The following MCF2L2 variants were observed in gnomAD, a reference collection of about 807,000 sequenced individuals.
MCF2L2 encodes MCF.2 cell line derived transforming sequence-like 2.
A neutral mutation model predicts 150.2 loss-of-function variants in MCF2L2; 102 were observed. The observed-to-expected ratio is 0.68, with a 90% CI of 0.58 to 0.80. The LOEUF (loss-of-function observed/expected upper bound fraction) is 0.80. Among genes scored for constraint, MCF2L2 ranks in the 30% least tolerant of loss-of-function variants. MCF2L2 has a pLI of 0.00. For synonymous variants in MCF2L2, 465 were observed against 491.3 expected (o/e 0.95, Z 0.71); for missense variants, 1,256 against 1,372.8 (o/e 0.91, Z 1.34).
At chr3:183,248,074 T>C (rs1724338688) in intron 15 of MCF2L2, among the ~76,000 whole-genome samples, 1 of 152,250 alleles carries the variant, frequency 6.6e-6, no homozygotes, top group Non-Finnish European at 1.5e-5. Context: ...TTTGTGTCTT[T>C]ATCTACCAGC....
At chr3:183,284,946 A>G (rs1340800926) in intron 14 of MCF2L2, among the ~76,000 whole-genome samples, 1 of 152,228 alleles carries the variant, frequency 6.6e-6, no homozygotes, top group Non-Finnish European at 1.5e-5. Flanking sequence ...ATATCACAGA[A>G]GGCAAGCATT....
chr3:183,239,039 C>T (rs1215347471), intron 15 of MCF2L2, among the ~76,000 whole-genome samples: 2 of 148,600 alleles, frequency 1.3e-5, no homozygotes, highest in Non-Finnish European at 3.0e-5. Context: ...GATTTACCAT[C>T]TAAAATCATC....
chr3:183,185,533 A>T (rs1039060450), intron 27 of MCF2L2, among the ~76,000 whole-genome samples: 1 of 152,232 alleles, frequency 6.6e-6, no homozygotes, highest in Admixed American at 6.5e-5. Context: ...AAAGAGATGG[A>T]GCTGCACTTG....
chr3:183,402,856 C>A (rs1385033402), intron 1 of MCF2L2, among the ~76,000 whole-genome samples: 1 of 147,020 alleles, frequency 6.8e-6, no homozygotes, highest in Admixed American at 6.7e-5. Context: ...CGCCTCATAT[C>A]ATAGACAAAA....
intron 2 of MCF2L2, among the ~76,000 whole-genome samples, chr3:183,388,666 C>T (rs577513561): frequency 2.6e-5 from 4 of 152,166 alleles, no homozygotes; most frequent in African/African-American, 4.8e-5. Context: ...TGACTATGTG[C>T]GCAGTGACTG....
intron 25 of MCF2L2, among the ~76,000 whole-genome samples, chr3:183,202,150 T>G (rs1722309272): frequency 6.6e-6 from 1 of 152,200 alleles, no homozygotes. Flanking sequence ...TTATCATTAT[T>G]TGATCTGTCC....
chr3:183,252,094 T>C (rs1724570295), intron 15 of MCF2L2, among the ~76,000 whole-genome samples: 1 of 151,416 alleles, frequency 6.6e-6, no homozygotes, highest in Non-Finnish European at 1.5e-5. Context: ...TATGTGCTCA[T>C]GTATGTGGAA....
chr3:183,359,989 C>T (rs1712028772), intron 3 of MCF2L2, among the ~76,000 whole-genome samples: 1 of 152,296 alleles, frequency 6.6e-6, no homozygotes, highest in East Asian at 1.9e-4. Flanking sequence ...GATTATGAGG[C>T]TCCAATTGTT....
At chr3:183,373,458 T>C (rs1418899800) in intron 3 of MCF2L2, 1 of 152,092 alleles carries the variant, frequency 6.6e-6, no homozygotes, top group Admixed American at 6.6e-5. Context: ...GTAAAGGACG[T>C]GGGAACAGCC....
chr3:183,293,047 T>C (rs1728255831), intron 13 of MCF2L2, among the ~76,000 whole-genome samples: 1 of 152,088 alleles, frequency 6.6e-6, no homozygotes, highest in South Asian at 2.1e-4. Flanking sequence ...AAAAATCTAA[T>C]CACTCCAATT....
intron 22 of MCF2L2, among the ~76,000 whole-genome samples, chr3:183,210,950 G>A (rs1722695884): frequency 6.6e-6 from 1 of 152,180 alleles, no homozygotes; most frequent in African/African-American, 2.4e-5. Context: ...GGTTGGCAAT[G>A]TGATCTCTCC....
chr3:183,300,867 T>C (rs1352962030), intron 10 of MCF2L2, among the ~76,000 whole-genome samples: 1 of 151,690 alleles, frequency 6.6e-6, no homozygotes, highest in Admixed American at 6.6e-5. Flanking sequence ...ATACAAAAAT[T>C]AGATGGGCGT....
rs1318860282 is a variant in MCF2L2, at chr3:183,420,731, G to A, written c.76+7171C>T. On this transcript the variant is annotated intron_variant, in intron 1 of 29. Coordinates refer to ENST00000328913, the MANE Select transcript of MCF2L2 (RefSeq NM_015078.4). The stretch of plus-strand genomic sequence containing the variant: ...GTGACAGAAGGCAAAGGGGAAGTAA[G>A]GCACATCTTCGCAAGGCAGCAGGAG... 2.0e-5 allele frequency among the ~76,000 whole-genome samples: 3 copies of A among 152,214 alleles called. No homozygotes were observed. In the East Asian group the frequency reaches 5.8e-4, roughly 29 times the overall value.
At chr3:183,334,791 T>C (rs9858553) in intron 5 of MCF2L2, among the ~76,000 whole-genome samples, 40,500 of 136,452 alleles carry the variant, frequency 0.3, 8,176 homozygotes, top group African/African-American at 0.57. Context: ...AAAACTCCAT[T>C]TCAAAAAAAA....
At chr3:183,386,953 T>C (rs1165102669) in intron 2 of MCF2L2, among the ~76,000 whole-genome samples, 1 of 152,160 alleles carries the variant, frequency 6.6e-6, no homozygotes, top group Non-Finnish European at 1.5e-5. Context: ...ATGCTTCTGC[T>C]TCATAAGAAA....
At chr3:183,341,725 C>G (rs1730704360) in intron 3 of MCF2L2, 95 bp from the exon 4 acceptor site, 2 of 826,718 alleles carry the variant, frequency 2.4e-6, no homozygotes, top group Admixed American at 3.7e-5. Context: ...CTCCACAGCA[C>G]TCCAGGCTCA....
Position 183,428,518 on chromosome 3 carries a change from G to T in MCF2L2, c.-541C>A, listed in dbSNP as rs1716286720. ...GCTCCCAAGCGCCGCTCGTTTTGGG[G>T]TCGGGAACGCTGCGCACCTTTCCCT... On this transcript the variant is annotated 5_prime_UTR_variant, in exon 1 of 30. Coordinates refer to ENST00000328913, the MANE Select transcript of MCF2L2 (RefSeq NM_015078.4). The surrounding 1 kb of genome is among the most constrained non-coding windows in gnomAD (Gnocchi z 5.1). 6.5e-6 allele frequency: 1 copy of T among 153,040 alleles called. No individual in the cohort carries two copies. Among genetic ancestry groups the T allele is most frequent in the African/African-American group, 2.4e-5 (1 of 41,466 alleles). The allele number at this position is 153,040 out of a possible 1,614,324, so 9.5% of individuals were successfully genotyped here. A position where few individuals can be genotyped will look rare whatever the true frequency, so the allele number is the denominator to read the frequency against.
intron 5 of MCF2L2, among the ~76,000 whole-genome samples, chr3:183,325,578 G>A (rs1337423725): frequency 1.3e-5 from 2 of 152,162 alleles, no homozygotes; most frequent in African/African-American, 2.4e-5. Flanking sequence ...AGGACAGGTC[G>A]TTAGAAATTA....
chr3:183,266,299 A>C (rs1726117810), intron 15 of MCF2L2, among the ~76,000 whole-genome samples: 1 of 152,268 alleles, frequency 6.6e-6, no homozygotes. Flanking sequence ...TGCCGGGCAC[A>C]GCTGCTCAGG....
Sources: gnomAD v4.1 joint callset for allele counts (sites outside exome capture counted in the v4.1 genomes callset) on GRCh38, gnomAD v4.1.1 for gene constraint, Gnocchi (gnomAD v3.1) non-coding constraint, MANE v1.5 for transcripts, NCBI Gene and HGNC (gene_info 2026-07-23, HGNC 2026-07-21) for gene names.